The following PTPRT variants were observed in gnomAD, a reference collection of about 807,000 sequenced individuals.
The protein encoded by PTPRT is protein tyrosine phosphatase receptor type T, also known as receptor-type tyrosine-protein phosphatase T.
A neutral mutation model predicts 176.8 loss-of-function variants in PTPRT; 56 were observed. That is an observed-to-expected ratio of 0.32 (90% CI 0.26 to 0.40). PTPRT has a LOEUF of 0.40. PTPRT is among the 10% of genes least tolerant of loss of function. PTPRT has a pLI of 1.00. For missense variants in PTPRT, 1,540 were observed against 1,908.2 expected, an observed-to-expected ratio of 0.81 and a Z score of 3.60; for synonymous variants, 783 against 739.0, an observed-to-expected ratio of 1.06 and a Z score of -0.96.
rs1005330772 is a variant in PTPRT at position 42,472,471 on chromosome 20, G to A, written c.1245C>T (p.Thr415=). 3.1e-6 allele frequency: 5 copies of A among 1,614,130 alleles called. No homozygotes were observed. The highest frequency in any genetic ancestry group is 4.2e-6 in the Non-Finnish European group (5 of 1,180,054). ...LQWEPFGYAV[T]RCHSYNLTVQ... The stretch of plus-strand genomic sequence containing the variant: ...CGGTGAGGTTGTAGCTATGGCAGCG[G>A]GTCACCGCGTAGCCGAAGGGCTCCC... Residue 415 remains threonine, a synonymous_variant, in exon 8 of 31, where the codon ACC becomes ACT. Coordinates refer to ENST00000373187, the MANE Select transcript of PTPRT (RefSeq NM_007050.6).
chr20:42,364,582 G>A (rs2058489379), intron 9 of PTPRT, among the ~76,000 whole-genome samples: 1 of 151,832 alleles, frequency 6.6e-6, no homozygotes, highest in South Asian at 2.1e-4. Flanking sequence ...CAACCCTCTG[G>A]CCTCAGGTTA....
intron 7 of PTPRT, among the ~76,000 whole-genome samples, chr20:42,639,165 T>A (rs1427236838): frequency 6.6e-6 from 1 of 152,110 alleles, no homozygotes; most frequent in East Asian, 1.9e-4. Flanking sequence ...CCTATTTTAG[T>A]CACAATACAA....
At chr20:42,288,690 A>T (rs1364526211) in intron 12 of PTPRT, among the ~76,000 whole-genome samples, 3 of 151,974 alleles carry the variant, frequency 2.0e-5, no homozygotes, top group African/African-American at 7.2e-5. Flanking sequence ...TGCAGAGGAC[A>T]TGGTTTTATT....
chr20:43,185,013 C>A (rs547617466), intron 1 of PTPRT, among the ~76,000 whole-genome samples: 1 of 152,286 alleles, frequency 6.6e-6, no homozygotes, highest in African/African-American at 2.4e-5. Context: ...TATTGATGAA[C>A]CCCTGTCCCT....
At chr20:42,647,480 A>G (rs565736820) in intron 7 of PTPRT, among the ~76,000 whole-genome samples, 13 of 152,120 alleles carry the variant, frequency 8.5e-5, no homozygotes, top group South Asian at 6.2e-4. Context: ...TTCAGGTTCA[A>G]TTTCTCAGAC....
chr20:42,808,782 C>T (rs780814942), intron 2 of PTPRT, among the ~76,000 whole-genome samples: 41 of 152,154 alleles, frequency 2.7e-4, no homozygotes, highest in Non-Finnish European at 5.6e-4. Context: ...CTCAGGAAAT[C>T]CCTAAGTATA....
intron 9 of PTPRT, among the ~76,000 whole-genome samples, chr20:42,406,489 A>C (rs1438832934): frequency 6.6e-6 from 1 of 152,110 alleles, no homozygotes; most frequent in Non-Finnish European, 1.5e-5. Flanking sequence ...GTAACAGTTT[A>C]AGAAAGTTAT....
intron 13 of PTPRT, among the ~76,000 whole-genome samples, chr20:42,257,221 G>A (rs1174334960): frequency 6.6e-6 from 1 of 152,174 alleles, no homozygotes; most frequent in Non-Finnish European, 1.5e-5. Context: ...CTTGATTTTA[G>A]CCAAGTCAAG....
intron 1 of PTPRT, among the ~76,000 whole-genome samples, chr20:43,083,087 G>A (rs1255851186): frequency 6.6e-6 from 1 of 151,786 alleles, no homozygotes; most frequent in African/African-American, 2.4e-5. Flanking sequence ...CCCGAATAAA[G>A]CCCTCTTCCC....
intron 6 of PTPRT, among the ~76,000 whole-genome samples, chr20:42,751,366 A>T (rs2076767261): frequency 6.6e-6 from 1 of 152,208 alleles, no homozygotes; most frequent in African/African-American, 2.4e-5. Context: ...CTTTGTCCCC[A>T]GACCCGGGAA....
chr20:42,334,873 T>C (rs1231755173), intron 11 of PTPRT, among the ~76,000 whole-genome samples: 3 of 152,214 alleles, frequency 2.0e-5, no homozygotes, highest in African/African-American at 4.8e-5. Context: ...GAACTTCTAG[T>C]TAAAAGCGGA....
chr20:42,280,728 G>A (rs1416765625), intron 13 of PTPRT, among the ~76,000 whole-genome samples: 8 of 152,190 alleles, frequency 5.3e-5, no homozygotes, highest in African/African-American at 9.6e-5. Context: ...CATCAGCAAA[G>A]CAACTCTAGA....
intron 7 of PTPRT, among the ~76,000 whole-genome samples, chr20:42,498,276 T>C (rs2071689686): frequency 6.6e-6 from 1 of 152,042 alleles, no homozygotes; most frequent in African/African-American, 2.4e-5. Flanking sequence ...CCCCAAAACC[T>C]GAAAATAAAC....
At chr20:42,629,945 G>C (rs2074372860) in intron 7 of PTPRT, among the ~76,000 whole-genome samples, 1 of 152,152 alleles carries the variant, frequency 6.6e-6, no homozygotes, top group African/African-American at 2.4e-5. Flanking sequence ...TTCTACTGCC[G>C]GGTGTCCCCA....
chr20:42,563,180 G>C (rs878973703), intron 7 of PTPRT, among the ~76,000 whole-genome samples: 1 of 151,768 alleles, frequency 6.6e-6, no homozygotes, highest in South Asian at 2.1e-4. Flanking sequence ...TCCTTAATAC[G>C]CAAAGGGCTC....
chr20:42,738,024 G>A (rs2076563112), intron 6 of PTPRT, among the ~76,000 whole-genome samples: 1 of 152,092 alleles, frequency 6.6e-6, no homozygotes. Flanking sequence ...AACCTGAAGG[G>A]TCCACCTCAC....
chr20:42,792,464 G>C (rs2145555876), intron 2 of PTPRT, among the ~76,000 whole-genome samples: 1 of 152,282 alleles, frequency 6.6e-6, no homozygotes, highest in South Asian at 2.1e-4. Flanking sequence ...GGACTGGCCA[G>C]AGACAAAGTG....
At chr20:42,867,468 A>G (rs2078767616) in intron 2 of PTPRT, among the ~76,000 whole-genome samples, 1 of 126,920 alleles carries the variant, frequency 7.9e-6, no homozygotes, top group Admixed American at 1.0e-4. Context: ...ATCTTGTATC[A>G]TTCCTACCCT....
chr20:42,262,763 G>T (rs1486603458), intron 13 of PTPRT, among the ~76,000 whole-genome samples: 2 of 151,918 alleles, frequency 1.3e-5, no homozygotes, highest in East Asian at 3.9e-4. Flanking sequence ...CACAGGGAAA[G>T]AGTTGATAGA....
Sources: allele counts gnomAD v4.1 joint callset (sites outside exome capture counted in the v4.1 genomes callset), GRCh38; gene constraint gnomAD v4.1.1; transcripts MANE v1.5; gene names NCBI Gene and HGNC (gene_info 2026-07-23, HGNC 2026-07-21).